The following HGS variants were observed in gnomAD, a reference collection of about 807,000 sequenced individuals.
HGS encodes the protein hepatocyte growth factor-regulated tyrosine kinase substrate.
Under a neutral mutation model 109.7 loss-of-function variants are expected in HGS, and 63 were observed. That is an observed-to-expected ratio of 0.57 (90% CI 0.47 to 0.71). HGS has a LOEUF of 0.71. HGS is among the 30% of genes least tolerant of loss of function. HGS has a pLI of 0.00. For synonymous variants in HGS, 546 were observed against 437.3 expected (o/e 1.25, Z -3.10); for missense variants, 995 against 1,068.3 (o/e 0.93, Z 0.96).
intron 14 of HGS, chr17:81,695,539 C>T: frequency 1.7e-6 from 1 of 600,652 alleles, no homozygotes; most frequent in South Asian, 2.0e-5. Flanking sequence ...TGTCAGAGCA[C>T]AGGTCCCTGG....
rs58744152 is a variant in HGS at position 81,686,575 on chromosome 17, G to C, written c.198+188G>C. Among the ~76,000 whole-genome samples, 1,424 of 152,316 alleles carry C rather than the reference G, an allele frequency of 9.3e-3. 35 individuals are homozygous for C. Among genetic ancestry groups the C allele is most frequent in the African/African-American group, 0.033 (1,371 of 41,558 alleles). ...TAGGAGAGGGTCACGCTGAGGGAGA[G>C]ACAGGAGATAGGGGAGGGAGTGGGC... is the stretch of plus-strand genomic sequence containing the variant. On this transcript the variant is annotated intron_variant, in intron 3 of 21. Transcript: ENST00000329138.
At chr17:81,697,110 G>A (rs1245838931) in intron 18 of HGS, 112 bp downstream of exon 18, 20 of 1,145,036 alleles carry the variant, frequency 1.7e-5, no homozygotes, top group Admixed American at 5.4e-5. Context: ...TTGCCCCGAT[G>A]TGAATGTTGT....
intron 4 of HGS, 149 bp from the exon 5 acceptor site, chr17:81,688,555 G>A (rs1372544521): frequency 8.8e-6 from 8 of 908,118 alleles, no homozygotes; most frequent in Non-Finnish European, 1.3e-5. Context: ...GTTGGTGCAT[G>A]GCCCCCACGC....
At position 81,686,355 on chromosome 17, in the gene HGS, A is replaced by G. The variant is rs568409881; in HGVS notation, c.166A>G (p.Lys56Glu). ...VNSIKKKVND[K>E]NPHVALYALE... Reference sequence around the variant, plus strand: ...TTCCATCAAGAAGAAAGTCAACGACAAGAACCCACACGTCGCCTTGTATGC... The same window carrying G: ...TTCCATCAAGAAGAAAGTCAACGACGAGAACCCACACGTCGCCTTGTATGC... Residue 56 changes from lysine (K) to glutamate (E), a missense_variant, in exon 3 of 22, where the codon AAG (lysine) becomes GAG (glutamate). Transcript: ENST00000329138. 6.2e-7 allele frequency: 1 copy of G among 1,613,772 alleles called. No homozygotes were observed. Among genetic ancestry groups the G allele is most frequent in the South Asian group, 1.1e-5 (1 of 91,092 alleles).
At position 81,691,595 on chromosome 17, in the gene HGS, G is replaced by GC. The variant is rs2037064417; in HGVS notation, c.662+25dup. On this transcript the variant is annotated intron_variant, in intron 8 of 21. Transcript: ENST00000329138. The surrounding 1 kb of genome is among the most constrained non-coding windows in gnomAD (Gnocchi z 5.3). The stretch of plus-strand genomic sequence containing the variant: ...AGGTGAGTCCCCGCCCCCCATTTGG[G>GC]CTGCAGGTGGGGCAGGCTCTCCAGG... 6.2e-7 allele frequency: 1 copy of GC among 1,613,428 alleles called. No homozygotes were observed. Among genetic ancestry groups the GC allele is most frequent in the African/African-American group, 1.3e-5 (1 of 75,026 alleles).
intron 11 of HGS, among the ~76,000 whole-genome samples, chr17:81,694,389 T>G (rs2037112274): frequency 6.6e-6 from 1 of 152,234 alleles, no homozygotes; most frequent in South Asian, 2.1e-4. Flanking sequence ...AAAGTCATTT[T>G]GTAGGTTCCG....
At chr17:81,684,913 G>T in intron 1 of HGS, 8 of 985,398 alleles carry the variant, frequency 8.1e-6, no homozygotes, top group Non-Finnish European at 9.6e-6. Flanking sequence ...CTTCAGGGAT[G>T]AATCCAGAGG....
In HGS at chr17:81,685,596, C is replaced by T. The variant is rs776812770; in HGVS notation, c.38-9C>T. 11 of 1,604,594 alleles carry T rather than the reference C, an allele frequency of 6.9e-6. No homozygotes were observed. Among genetic ancestry groups the T allele is most frequent in the Admixed American group, 5.1e-5 (3 of 59,098 alleles). Reference sequence around the variant, plus strand: ...TAACCCCTCCCTTTCATGGCATTTTCTCTCTCAGACAAGGCGACCAGCCAG... The same window carrying T: ...TAACCCCTCCCTTTCATGGCATTTTTTCTCTCAGACAAGGCGACCAGCCAG... On this transcript the variant is annotated splice_polypyrimidine_tract_variant and intron_variant, in intron 1 of 21. Coordinates refer to ENST00000329138, the MANE Select transcript of HGS (RefSeq NM_004712.5).
At chr17:81,698,515 C>T (rs1598750503) in intron 18 of HGS, among the ~76,000 whole-genome samples, 2 of 152,086 alleles carry the variant, frequency 1.3e-5, no homozygotes, top group Admixed American at 6.5e-5. Flanking sequence ...TTGGGTTGCT[C>T]CTGAGTTTCT....
intron 1 of HGS, 40 bp downstream of exon 1, chr17:81,684,143 C>G (rs751829825): frequency 1.3e-6 from 2 of 1,482,414 alleles, no homozygotes; most frequent in Non-Finnish European, 1.8e-6. Flanking sequence ...TTGGTCAGCC[C>G]GCAGCCTCCG....
At chr17:81,686,156 C>T (rs1018081216) in intron 2 of HGS, 156 bp from the exon 3 acceptor site, 35 of 638,336 alleles carry the variant, frequency 5.5e-5, no homozygotes, top group Non-Finnish European at 8.9e-5. Context: ...GTCTCAGACT[C>T]CTGGGCTCAA....
intron 15 of HGS, 152 bp from the exon 16 acceptor site, chr17:81,696,205 G>T: frequency 9.1e-7 from 1 of 1,101,540 alleles, no homozygotes; most frequent in Non-Finnish European, 1.3e-6. Context: ...GCCCTGCCCA[G>T]GACCCTCTGC....
At chr17:81,689,501 C>G (rs961893282) in intron 5 of HGS, among the ~76,000 whole-genome samples, 2 of 152,074 alleles carry the variant, frequency 1.3e-5, no homozygotes, top group African/African-American at 2.4e-5. Context: ...GGCTGGTGCT[C>G]AGGGCCCACT....
In HGS at chr17:81,701,104, C is replaced by G; in HGVS notation, c.2196C>G (p.Ile732Met). 1 of 1,613,956 alleles carries G rather than the reference C, an allele frequency of 6.2e-7. No individual in the cohort carries two copies. Among genetic ancestry groups the G allele is most frequent in the Non-Finnish European group, 8.5e-7 (1 of 1,180,002 alleles). ...DASLPPQQPY[I>M]AGQQPMYQQM... Reference sequence around the variant, plus strand: ...CTCTGCCACCCCAGCAGCCCTACATCGCGGGGCAGCAGCCCATGTACCAGC... The same window carrying G: ...CTCTGCCACCCCAGCAGCCCTACATGGCGGGGCAGCAGCCCATGTACCAGC... The change falls in exon 21 of 22, where the codon ATC becomes ATG. Residue 732 changes from isoleucine to methionine, a missense_variant. By Grantham distance (10) the Ile-to-Met change is conservative. Coordinates refer to ENST00000329138, the MANE Select transcript of HGS (RefSeq NM_004712.5).
intron 8 of HGS, chr17:81,692,792 C>G (rs767973859): frequency 6.6e-6 from 1 of 152,050 alleles, no homozygotes; most frequent in Admixed American, 6.6e-5. Context: ...ACAATCCTGG[C>G]CAACATGGTG....
chr17:81,697,034 T>C (rs765246627), intron 18 of HGS, 36 bp downstream of exon 18: 1 of 1,505,782 alleles, frequency 6.6e-7, no homozygotes, highest in South Asian at 1.3e-5. Flanking sequence ...ATGCCTTTTA[T>C]CCCTCGTCTT....
intron 18 of HGS, among the ~76,000 whole-genome samples, chr17:81,699,432 ATCT>A (rs1394940159): frequency 6.6e-6 from 1 of 152,078 alleles, no homozygotes. Context: ...TTGTTGGTTT[ATCT>A]TCTTTTTTGA....
chr17:81,695,046 A>G lies in HGS; in HGVS notation c.1098A>G (p.Ala366=), dbSNP rs1243144210. Residue 366 remains alanine, a synonymous_variant, in exon 13 of 22, where the codon GCA becomes GCG. Coordinates refer to ENST00000329138, the MANE Select transcript of HGS (RefSeq NM_004712.5). The part of the protein sequence containing the change: ...EPAAQPGEGH[A]APTNVVENPL... ...CTGCACAGCCTGGGGAAGGGCACGCAGCCCCCACCAACGTGGTGGAGGTGA... is the reference window on the plus strand; with the variant it reads ...CTGCACAGCCTGGGGAAGGGCACGCGGCCCCCACCAACGTGGTGGAGGTGA... 2.5e-6 allele frequency: 4 copies of G among 1,613,556 alleles called. No homozygotes were observed. Among genetic ancestry groups the G allele is most frequent in the East Asian group, 2.2e-5 (1 of 44,860 alleles).
intron 7 of HGS, 74 bp downstream of exon 7, chr17:81,690,816 C>T: frequency 7.6e-7 from 1 of 1,318,034 alleles, no homozygotes; most frequent in Non-Finnish European, 1.1e-6. Flanking sequence ...GGCCACCGTC[C>T]CTGCTGGGCC....
Sources: allele counts gnomAD v4.1 joint callset (sites outside exome capture counted in the v4.1 genomes callset), GRCh38; gene constraint gnomAD v4.1.1; non-coding constraint Gnocchi (gnomAD v3.1); transcripts MANE v1.5; gene names NCBI Gene and HGNC (gene_info 2026-07-23, HGNC 2026-07-21).